Variants in ENTREP1 observed in about 807,000 individuals in gnomAD.
ENTREP1 encodes the protein Friedreich ataxia region gene X123.
the ENTREP1 span, among the ~76,000 whole-genome samples, chr9:69,352,497 TATA>T: frequency 4.5e-3 from 683 of 152,330 alleles, 6 homozygotes; most frequent in African/African-American, 0.016. Flanking sequence ...TGGTAATATT[TATA>T]ATAATATTTG....
the ENTREP1 span, among the ~76,000 whole-genome samples, chr9:69,360,065 T>A: frequency 6.6e-6 from 1 of 152,046 alleles, no homozygotes; most frequent in South Asian, 2.1e-4. Flanking sequence ...GTTTCAGTAA[T>A]TTGCTCAAGA....
chr9:69,380,167 G>C, the ENTREP1 span: 3 of 152,226 alleles, frequency 2.0e-5, no homozygotes, highest in Non-Finnish European at 1.5e-5. Context: ...TATTGCCAAT[G>C]GGCAAACACC....
At chr9:69,388,520 G>A in the ENTREP1 span, 105 of 1,217,392 alleles carry the variant, frequency 8.6e-5, no homozygotes, top group Admixed American at 3.7e-4. Flanking sequence ...TGGCTTCTCC[G>A]CTTTCTTGTC....
the ENTREP1 span, among the ~76,000 whole-genome samples, chr9:69,366,159 T>A: frequency 6.6e-5 from 10 of 152,146 alleles, no homozygotes; most frequent in Non-Finnish European, 1.2e-4. Flanking sequence ...TGTATAACAG[T>A]TCCTTTCTCT....
At chr9:69,327,003 C>T in the ENTREP1 span, among the ~76,000 whole-genome samples, 2 of 70,704 alleles carry the variant, frequency 2.8e-5, no homozygotes, top group African/African-American at 7.3e-5. Flanking sequence ...CAATTCAAGA[C>T]CAAATTGAAA....
the ENTREP1 span, among the ~76,000 whole-genome samples, chr9:69,370,695 T>C: frequency 1.6e-4 from 24 of 152,360 alleles, no homozygotes; most frequent in African/African-American, 5.5e-4. Flanking sequence ...ACAGGGTTTC[T>C]CCCTTAGAGT....
At chr9:69,356,884 C>T in the ENTREP1 span, among the ~76,000 whole-genome samples, 1 of 152,044 alleles carries the variant, frequency 6.6e-6, no homozygotes, top group East Asian at 1.9e-4. Context: ...TAATGCCCAA[C>T]TTGAGTTGAG....
the ENTREP1 span, chr9:69,384,144 G>C: frequency 4.4e-6 from 3 of 675,328 alleles, no homozygotes; most frequent in Non-Finnish European, 7.6e-6. Context: ...GATCACATGA[G>C]GCCAGGAGTT....
At chr9:69,343,199 C>T in the ENTREP1 span, among the ~76,000 whole-genome samples, 1 of 152,200 alleles carries the variant, frequency 6.6e-6, no homozygotes, top group African/African-American at 2.4e-5. Context: ...TGTTCTGAAG[C>T]TTAAAGTATA....
At chr9:69,368,974 C>G in the ENTREP1 span, among the ~76,000 whole-genome samples, 216 of 152,092 alleles carry the variant, frequency 1.4e-3, 1 homozygote, top group African/African-American at 5.1e-3. Flanking sequence ...TAATGCTATC[C>G]CTCCCCAGGA....
the ENTREP1 span, among the ~76,000 whole-genome samples, chr9:69,344,293 A>T: frequency 2.6e-5 from 4 of 152,162 alleles, no homozygotes; most frequent in African/African-American, 7.2e-5. Context: ...TATGTTAAAA[A>T]ACACCAAGTG....
chr9:69,372,421 A>G, the ENTREP1 span, among the ~76,000 whole-genome samples: 1 of 152,176 alleles, frequency 6.6e-6, no homozygotes, highest in Non-Finnish European at 1.5e-5. Flanking sequence ...TACCTCATAC[A>G]AGTAGGATAA....
At chr9:69,385,869 A>C in the ENTREP1 span, 1 of 1,609,678 alleles carries the variant, frequency 6.2e-7, no homozygotes, top group African/African-American at 1.4e-5. Context: ...GGTGCGTCCT[A>C]TCAGAAGCCG....
chr9:69,336,394 T>C, the ENTREP1 span: 1 of 596,184 alleles, frequency 1.7e-6, no homozygotes, highest in Non-Finnish European at 3.0e-6. Flanking sequence ...TAACAATAGA[T>C]AATATTAGAA....
At chr9:69,377,883 T>C in the ENTREP1 span, 2 of 874,808 alleles carry the variant, frequency 2.3e-6, no homozygotes, top group Non-Finnish European at 3.4e-6. Flanking sequence ...TTGAGGAACG[T>C]TAGCCCAATG....
the ENTREP1 span, among the ~76,000 whole-genome samples, chr9:69,338,803 A>G: frequency 0.65 from 99,204 of 152,066 alleles, 32,808 homozygotes; most frequent in African/African-American, 0.76. Flanking sequence ...ATCATCATCA[A>G]TTTTTACCCT....
chr9:69,357,019 A>T, the ENTREP1 span, among the ~76,000 whole-genome samples: 5 of 145,978 alleles, frequency 3.4e-5, no homozygotes, highest in Admixed American at 7.3e-5. Flanking sequence ...GTGCTTTGGG[A>T]GGCTGAGGTG....
chr9:69,359,624 G>A, the ENTREP1 span, among the ~76,000 whole-genome samples: 1 of 152,188 alleles, frequency 6.6e-6, no homozygotes, highest in Non-Finnish European at 1.5e-5. Context: ...GCTGAACTGT[G>A]AGTCAATTAA....
At chr9:69,378,612 A>G in the ENTREP1 span, among the ~76,000 whole-genome samples, 18 of 152,124 alleles carry the variant, frequency 1.2e-4, no homozygotes, top group African/African-American at 4.3e-4. Context: ...CAAAAAAATT[A>G]GCCGGGCATG....
Sources: gnomAD v4.1 joint callset for allele counts (sites outside exome capture counted in the v4.1 genomes callset) on GRCh38, gnomAD v4.1.1 for gene constraint, MANE v1.5 for transcripts, NCBI Gene and HGNC (gene_info 2026-07-23, HGNC 2026-07-21) for gene names.